The following ITGA8 variants were observed in gnomAD, a reference collection of about 807,000 sequenced individuals.
ITGA8 encodes integrin alpha-8.
A neutral mutation model predicts 142.3 loss-of-function variants in ITGA8; 91 were observed. The observed-to-expected ratio is 0.64, with a 90% CI of 0.54 to 0.76. The LOEUF is 0.76. Ranked by LOEUF, ITGA8 falls within the 30% of genes least tolerant of loss-of-function variation. The pLI, the probability that ITGA8 is intolerant of heterozygous loss-of-function variation, is 0.00. For synonymous variants in ITGA8, 505 were observed against 485.2 expected (o/e 1.04, Z -0.54); for missense variants, 1,406 against 1,327.7 (o/e 1.06, Z -0.92).
intron 22 of ITGA8, among the ~76,000 whole-genome samples, chr10:15,591,921 G>A (rs990887006): frequency 6.6e-6 from 1 of 152,156 alleles, no homozygotes; most frequent in East Asian, 1.9e-4. Context: ...TGGGAATTAG[G>A]GTGGGGAAAG....
At chr10:15,518,578 TG>T (rs1833004450) in intron 29 of ITGA8, among the ~76,000 whole-genome samples, 1 of 152,242 alleles carries the variant, frequency 6.6e-6, no homozygotes, top group Non-Finnish European at 1.5e-5. Context: ...ATCAAAGATG[TG>T]ACTGGGTTAA....
intron 26 of ITGA8, among the ~76,000 whole-genome samples, chr10:15,557,225 C>A (rs915300015): frequency 6.6e-6 from 1 of 151,988 alleles, no homozygotes; most frequent in African/African-American, 2.4e-5. Context: ...TACAAAAATG[C>A]AAAAATTAGC....
intron 27 of ITGA8, among the ~76,000 whole-genome samples, chr10:15,544,677 G>A (rs1189754440): frequency 6.6e-6 from 1 of 152,186 alleles, no homozygotes; most frequent in Non-Finnish European, 1.5e-5. Context: ...CCTCCAAGAT[G>A]GCCACCAGGG....
At position 15,586,680 on chromosome 10, in the gene ITGA8, A is replaced by G. The variant is rs945309636; in HGVS notation, c.2292-16T>C. 8.6e-6 allele frequency: 13 copies of G among 1,508,484 alleles called. No homozygotes were observed. The African/African-American group carries it at 1.5e-4, about 18-fold the overall frequency. The allele number at this position is 1,508,484 out of a possible 1,614,324, so 93.4% of individuals were successfully genotyped here. On this transcript the variant is annotated splice_polypyrimidine_tract_variant and intron_variant, in intron 22 of 29. Transcript: ENST00000378076. ...CTTGTTGGAACTAAAACACAAGGAC[A>G]TGTGATTTAAATCTATCTGCTCAGG...
At chr10:15,712,996 T>C (rs1249224445) in intron 2 of ITGA8, among the ~76,000 whole-genome samples, 1 of 152,240 alleles carries the variant, frequency 6.6e-6, no homozygotes, top group Non-Finnish European at 1.5e-5. Context: ...ACTGCTCAAC[T>C]AGCCATACAG....
intron 20 of ITGA8, 33 bp from the exon 21 acceptor site, chr10:15,597,332 C>T (rs1193341415): frequency 6.4e-7 from 1 of 1,556,232 alleles, no homozygotes; most frequent in African/African-American, 1.4e-5. Context: ...GTTTAGGGGG[C>T]AGGATAAATG....
Position 15,515,523 on chromosome 10 carries a change from A to C in ITGA8, c.*1635T>G, listed in dbSNP as rs1832950369. The C allele has an allele frequency of 6.6e-6, 1 of 152,158 alleles. No homozygotes were observed. The highest frequency in any genetic ancestry group is 1.5e-5 in the Non-Finnish European group (1 of 68,030). The allele number at this position is 152,158 out of a possible 1,614,324, so 9.4% of individuals were successfully genotyped here. On this transcript the variant is annotated 3_prime_UTR_variant, in exon 30 of 30. Coordinates refer to ENST00000378076, the MANE Select transcript of ITGA8 (RefSeq NM_003638.3). ...TTTCAAACAAAGCGTGATTGTTGAA[A>C]TCAGGACACAAAGTTTTCCAACAGC...
At chr10:15,712,741 T>C (rs997479276) in intron 2 of ITGA8, among the ~76,000 whole-genome samples, 1 of 152,228 alleles carries the variant, frequency 6.6e-6, no homozygotes, top group Admixed American at 6.5e-5. Context: ...ACAAGACTCG[T>C]TATACACTAA....
rs184148010 is a variant in ITGA8 at position 15,628,913 on chromosome 10, C to G, written c.1400-12354G>C. ...AACTGTGCGAGTACTTTACAGCATG[C>G]AAATTGTCTCTACAACAATCCTGAG... On this transcript the variant is annotated intron_variant, in intron 13 of 29. Coordinates refer to ENST00000378076, the MANE Select transcript of ITGA8 (RefSeq NM_003638.3). 7.2e-4 allele frequency among the ~76,000 whole-genome samples: 110 copies of G among 152,060 alleles called. 1 individual carries two copies. Among genetic ancestry groups the G allele is most frequent in the Middle Eastern group, 3.4e-3 (1 of 294 alleles).
chr10:15,682,078 A>G (rs1228535116), intron 4 of ITGA8, among the ~76,000 whole-genome samples: 3 of 152,080 alleles, frequency 2.0e-5, no homozygotes, highest in Non-Finnish European at 4.4e-5. Context: ...TCCTCCAATA[A>G]TCATTTGCTA....
intron 12 of ITGA8, 112 bp from the exon 13 acceptor site, chr10:15,644,333 TCATGG>T: frequency 2.0e-6 from 2 of 988,274 alleles, no homozygotes. Context: ...AGTGGTGGGA[TCATGG>T]CTCACCGCAG....
intron 2 of ITGA8, among the ~76,000 whole-genome samples, chr10:15,706,388 G>T (rs762003556): frequency 1.3e-5 from 2 of 151,970 alleles, no homozygotes; most frequent in Non-Finnish European, 2.9e-5. Context: ...TAGTCTCCTT[G>T]CTTGCTTGCT....
rs555906583 is a variant in ITGA8, at chr10:15,597,580, A to G, written c.2119-281T>C. 5.3e-5 allele frequency among the ~76,000 whole-genome samples: 8 copies of G among 152,342 alleles called. No individual in the cohort carries two copies. In the South Asian group the frequency reaches 1.4e-3, roughly 28 times the overall value. ...TATTTATATAAATAGCTTAGACAAT[A>G]TCTTCACTAAGATTAATGTGAAACT... On this transcript the variant is annotated intron_variant, in intron 20 of 29. Transcript: ENST00000378076.
chr10:15,565,747 G>A (rs1287052177), intron 25 of ITGA8, among the ~76,000 whole-genome samples: 1 of 151,414 alleles, frequency 6.6e-6, no homozygotes, highest in Admixed American at 6.6e-5. Flanking sequence ...CCACCACCAC[G>A]CCCAGCTAAT....
intron 12 of ITGA8, 75 bp from the exon 13 acceptor site, chr10:15,644,296 C>T: frequency 1.5e-6 from 2 of 1,366,896 alleles, no homozygotes; most frequent in Non-Finnish European, 2.0e-6. Flanking sequence ...GAGACAGGAC[C>T]TTACTCTGTC....
intron 28 of ITGA8, among the ~76,000 whole-genome samples, chr10:15,525,031 C>T (rs1833142951): frequency 1.3e-5 from 2 of 151,964 alleles, no homozygotes. Flanking sequence ...TTTTTGGAGA[C>T]AGGGTCTTGC....
At chr10:15,652,512 C>T (rs555037263) in intron 11 of ITGA8, among the ~76,000 whole-genome samples, 2 of 150,384 alleles carry the variant, frequency 1.3e-5, no homozygotes, top group Non-Finnish European at 1.5e-5. Context: ...TTTTTGTAAG[C>T]GTTATGAAAA....
chr10:15,541,061 G>A (rs75146384), intron 27 of ITGA8, among the ~76,000 whole-genome samples: 3,066 of 152,234 alleles, frequency 0.02, 63 homozygotes, highest in Non-Finnish European at 0.028. Context: ...AATTGAACAT[G>A]GGTATAAGTG....
intron 2 of ITGA8, among the ~76,000 whole-genome samples, chr10:15,707,547 G>A (rs1327527194): frequency 6.6e-6 from 1 of 152,208 alleles, no homozygotes; most frequent in South Asian, 2.1e-4. Flanking sequence ...TCAAGGCTAG[G>A]TGCAGTGGCT....
Sources: allele counts gnomAD v4.1 joint callset (sites outside exome capture counted in the v4.1 genomes callset), GRCh38; gene constraint gnomAD v4.1.1; transcripts MANE v1.5; gene names NCBI Gene and HGNC (gene_info 2026-07-23, HGNC 2026-07-21).